CTXN2: variants seen among roughly 807,000 people sequenced by gnomAD.
CTXN2 encodes cortexin-2.
A neutral mutation model predicts 5.7 loss-of-function variants in CTXN2; 3 were observed. That is an observed-to-expected ratio of 0.53 (90% CI 0.24 to 1.36). CTXN2 has a LOEUF of 1.36. Ranked by LOEUF, CTXN2 falls within the 40% of genes most tolerant of loss-of-function variation. The pLI is 0.17. For missense variants in CTXN2, 87 were observed against 93.0 expected (o/e 0.94, Z 0.26); for synonymous variants, 38 against 36.4 (o/e 1.04, Z -0.16).
At position 48,201,522 on chromosome 15, in the gene CTXN2, G is replaced by A; in HGVS notation, c.222G>A (p.Gly74=). The A allele has an allele frequency of 1.3e-6, 2 of 1,551,136 alleles. No individual in the cohort carries two copies. The highest frequency in any genetic ancestry group is 8.7e-7 in the Non-Finnish European group (1 of 1,146,578). The change falls in exon 2 of 2, where the codon GGG becomes GGA. Residue 74 remains glycine, a synonymous_variant. Coordinates refer to ENST00000417307, the MANE Select transcript of CTXN2 (RefSeq NM_001145668.2). ...ATGAAGTTGAAGAGTTTGATAAAGGGACATTTGAATATGCACTCGCGTGAG... is the reference window on the plus strand; with the variant it reads ...ATGAAGTTGAAGAGTTTGATAAAGGAACATTTGAATATGCACTCGCGTGAG... ...WEDEVEEFDK[G]TFEYALA is the part of the protein sequence containing the mutation.
chr15:48,196,278 A>G (rs1265565891), intron 1 of CTXN2, among the ~76,000 whole-genome samples: 10 of 152,088 alleles, frequency 6.6e-5, no homozygotes, highest in African/African-American at 2.2e-4. Context: ...AAGTGTTTCT[A>G]TTAAATTTTA....
chr15:48,201,194 C>T lies in CTXN2; in HGVS notation c.-57-50C>T, dbSNP rs529442215. Reference sequence around the variant, plus strand: ...TCAGATTTTATTAAGCAACAACCTACCCAATACCATACAAGGGTAAAACTA... The same window carrying T: ...TCAGATTTTATTAAGCAACAACCTATCCAATACCATACAAGGGTAAAACTA... On this transcript the variant is annotated intron_variant, in intron 1 of 1. Transcript: ENST00000417307. The T allele has an allele frequency of 1.6e-5, 18 of 1,156,020 alleles. No individual in the cohort carries two copies. The African/African-American group carries it at 2.6e-4, about 17-fold the overall frequency. 71.6% of individuals were successfully genotyped at this position (1,156,020 alleles called of 1,614,324 possible). A position where few individuals can be genotyped will look rare whatever the true frequency, so the allele number is the denominator to read the frequency against.
chr15:48,197,417 A>G (rs1227611359), intron 1 of CTXN2, among the ~76,000 whole-genome samples: 1 of 151,994 alleles, frequency 6.6e-6, no homozygotes, highest in Non-Finnish European at 1.5e-5. Context: ...TACCTGGTAT[A>G]ATATATAGAT....
chr15:48,193,560 T>A (rs952460846), intron 1 of CTXN2, among the ~76,000 whole-genome samples: 1 of 152,054 alleles, frequency 6.6e-6, no homozygotes, highest in Admixed American at 6.5e-5. Flanking sequence ...TATTTCCCAA[T>A]AAACAGGATA....
chr15:48,192,978 T>C (rs889807618), intron 1 of CTXN2, among the ~76,000 whole-genome samples: 2 of 152,192 alleles, frequency 1.3e-5, no homozygotes, highest in African/African-American at 4.8e-5. Flanking sequence ...ACAATATTCA[T>C]GAATATGAAA....
intron 1 of CTXN2, among the ~76,000 whole-genome samples, chr15:48,182,243 AC>A (rs2040706867): frequency 6.6e-6 from 1 of 152,094 alleles, no homozygotes; most frequent in Non-Finnish European, 1.5e-5. Context: ...AAAGGTCTCT[AC>A]CAGCTAGCTA....
chr15:48,185,677 A>C (rs1327933527), intron 1 of CTXN2, among the ~76,000 whole-genome samples: 3 of 152,228 alleles, frequency 2.0e-5, no homozygotes, highest in African/African-American at 7.2e-5. Flanking sequence ...TGGAATAAAT[A>C]AACCAAAGGT....
intron 1 of CTXN2, among the ~76,000 whole-genome samples, chr15:48,195,193 AC>A (rs780320406): frequency 9.9e-5 from 15 of 152,142 alleles, no homozygotes; most frequent in East Asian, 5.8e-4. Context: ...CTATATTTAC[AC>A]TTGTCCGAGC....
chr15:48,194,007 G>A (rs1210695095), intron 1 of CTXN2, among the ~76,000 whole-genome samples: 1 of 152,082 alleles, frequency 6.6e-6, no homozygotes, highest in African/African-American at 2.4e-5. Flanking sequence ...TTAGGCAATT[G>A]CTTAACTTTT....
chr15:48,201,367 T>C lies in CTXN2; in HGVS notation c.67T>C (p.Leu23=), dbSNP rs959104554. 10 of 1,551,274 alleles carry C rather than the reference T, an allele frequency of 6.4e-6. No individual in the cohort carries two copies. The African/African-American group carries it at 1.1e-4, about 17-fold the overall frequency. ...MSVNEVSAFS[L]TLEQKTGFAF... The stretch of plus-strand genomic sequence containing the variant: ...TGTCAACGAAGTATCAGCTTTCTCA[T>C]TGACTCTGGAGCAAAAAACTGGCTT... The change falls in exon 2 of 2, where the codon TTG becomes CTG. Residue 23 remains leucine (L), a synonymous_variant. Transcript: ENST00000417307.
At chr15:48,179,111 T>C (rs2040659816) in intron 1 of CTXN2, among the ~76,000 whole-genome samples, 2 of 152,044 alleles carry the variant, frequency 1.3e-5, no homozygotes, top group African/African-American at 2.4e-5. Flanking sequence ...CGTAGATTTT[T>C]CCCCCTAAGT....
rs1003670881 is a variant in CTXN2, at chr15:48,201,091, G to A, written c.-57-153G>A. 3 of 572,472 alleles carry A rather than the reference G, an allele frequency of 5.2e-6. No homozygotes were observed. The African/African-American group carries it at 5.6e-5, about 11-fold the overall frequency. 35.5% of individuals were successfully genotyped at this position (572,472 alleles called of 1,614,324 possible). Reference sequence around the variant, plus strand: ...AACATTTAGAAGTAGCATCTCCAATGCTAATTTGATTCCAATCTGTATCTG... The same window carrying A: ...AACATTTAGAAGTAGCATCTCCAATACTAATTTGATTCCAATCTGTATCTG... On this transcript the variant is annotated intron_variant, in intron 1 of 1. Coordinates refer to ENST00000417307, the MANE Select transcript of CTXN2 (RefSeq NM_001145668.2).
chr15:48,195,770 G>C (rs77606432), intron 1 of CTXN2, among the ~76,000 whole-genome samples: 68 of 152,188 alleles, frequency 4.5e-4, no homozygotes, highest in African/African-American at 1.6e-3. Flanking sequence ...GTTGAAGATA[G>C]TATCAACACT....
chr15:48,185,813 T>C (rs530611804), intron 1 of CTXN2, among the ~76,000 whole-genome samples: 4 of 152,300 alleles, frequency 2.6e-5, no homozygotes, highest in African/African-American at 9.6e-5. Context: ...GTGTTATATA[T>C]AGGACTACTT....
chr15:48,184,135 T>G (rs913889727), intron 1 of CTXN2, among the ~76,000 whole-genome samples: 1 of 152,232 alleles, frequency 6.6e-6, no homozygotes, highest in African/African-American at 2.4e-5. Context: ...GTCACTAACT[T>G]CAATTTATTT....
chr15:48,183,031 C>T (rs2140968226), intron 1 of CTXN2, among the ~76,000 whole-genome samples: 1 of 152,322 alleles, frequency 6.6e-6, no homozygotes, highest in South Asian at 2.1e-4. Flanking sequence ...CTTTCCCTTC[C>T]TCCTTGCAAA....
At chr15:48,192,926 A>T (rs1010312041) in intron 1 of CTXN2, among the ~76,000 whole-genome samples, 1 of 152,166 alleles carries the variant, frequency 6.6e-6, no homozygotes, top group Non-Finnish European at 1.5e-5. Flanking sequence ...ATATTTTTAT[A>T]TCTCTAGTAA....
intron 1 of CTXN2, among the ~76,000 whole-genome samples, chr15:48,180,639 G>A (rs941805731): frequency 3.3e-5 from 5 of 152,224 alleles, no homozygotes; most frequent in African/African-American, 1.2e-4. Context: ...AGCCTCCTGA[G>A]TAGCTGGGAC....
intron 1 of CTXN2, among the ~76,000 whole-genome samples, chr15:48,182,908 A>T (rs1226513527): frequency 6.6e-6 from 1 of 152,188 alleles, no homozygotes; most frequent in Non-Finnish European, 1.5e-5. Flanking sequence ...CTGTAACAAC[A>T]AGATAAGTCT....
Sources: gnomAD v4.1 joint callset for allele counts (sites outside exome capture counted in the v4.1 genomes callset) on GRCh38, gnomAD v4.1.1 for gene constraint, MANE v1.5 for transcripts, NCBI Gene and HGNC (gene_info 2026-07-23, HGNC 2026-07-21) for gene names.